The following SCG3 variants were observed in gnomAD, a reference collection of about 807,000 sequenced individuals.
The protein encoded by SCG3 is secretogranin-3.
Under a neutral mutation model 56.2 loss-of-function variants are expected in SCG3, and 38 were observed. That is an observed-to-expected ratio of 0.68 (90% CI 0.52 to 0.89). SCG3 has a LOEUF of 0.89. Among genes scored for constraint, SCG3 ranks in the 40% least tolerant of loss-of-function variants. The pLI is 0.00. For synonymous variants in SCG3, 176 were observed against 184.2 expected (o/e 0.96, Z 0.36); for missense variants, 524 against 540.7 (o/e 0.97, Z 0.31).
chr15:51,711,943 C>T (rs1384511221), intron 10 of SCG3, among the ~76,000 whole-genome samples: 1 of 152,094 alleles, frequency 6.6e-6, no homozygotes. Context: ...CAGAGAGTCA[C>T]TTAGGTAAAT....
chr15:51,681,577 C>T lies in SCG3; in HGVS notation c.-179C>T, dbSNP rs1162843139. The T allele has an allele frequency of 1.7e-6, 1 of 602,414 alleles. No individual in the cohort carries two copies. The highest frequency in any genetic ancestry group is 1.9e-5 in the African/African-American group (1 of 53,868). The allele number at this position is 602,414 out of a possible 1,614,324, so 37.3% of individuals were successfully genotyped here. On this transcript the variant is annotated 5_prime_UTR_variant, in exon 1 of 12. Coordinates refer to ENST00000220478, the MANE Select transcript of SCG3 (RefSeq NM_013243.4). ...GACTTGACTCCCGCGCGCCCCAACC[C>T]TGCTTATCCCTTGACCGTCGAGTGT...
intron 11 of SCG3, among the ~76,000 whole-genome samples, chr15:51,717,514 A>G (rs2055465563): frequency 6.7e-6 from 1 of 148,820 alleles, no homozygotes; most frequent in African/African-American, 2.5e-5. Flanking sequence ...GCCTGGGTAA[A>G]ACAGTGAGAC....
chr15:51,711,624 A>T (rs2055421312), intron 10 of SCG3, among the ~76,000 whole-genome samples: 1 of 152,172 alleles, frequency 6.6e-6, no homozygotes, highest in African/African-American at 2.4e-5. Flanking sequence ...GAAATAGAAA[A>T]CACTGTATTT....
At position 51,681,686 on chromosome 15, in the gene SCG3, T is replaced by G; in HGVS notation, c.-70T>G. On this transcript the variant is annotated 5_prime_UTR_variant, in exon 1 of 12. Transcript: ENST00000220478. ...GCTCTTCCTGTTTTTACTCCTCCTT[T>G]TCATTCATAACAAAAGCTACAGCTC... 1 of 1,101,662 alleles carries G rather than the reference T, an allele frequency of 9.1e-7. No individual in the cohort carries two copies. The highest frequency in any genetic ancestry group is 1.4e-6 in the Non-Finnish European group (1 of 722,530). The allele number at this position is 1,101,662 out of a possible 1,614,324, so 68.2% of individuals were successfully genotyped here.
chr15:51,694,427 G>GA (rs939991779), intron 7 of SCG3, among the ~76,000 whole-genome samples: 3 of 152,026 alleles, frequency 2.0e-5, no homozygotes, highest in Admixed American at 1.3e-4. Flanking sequence ...CAGGCAAGTG[G>GA]AAAAAAAGAA....
intron 4 of SCG3, among the ~76,000 whole-genome samples, chr15:51,685,866 C>A (rs1004541058): frequency 6.6e-6 from 1 of 152,096 alleles, no homozygotes; most frequent in Non-Finnish European, 1.5e-5. Flanking sequence ...TGTATGCATT[C>A]GAATATTTAT....
At chr15:51,716,141 G>A (rs1047044354) in intron 11 of SCG3, among the ~76,000 whole-genome samples, 1 of 152,200 alleles carries the variant, frequency 6.6e-6, no homozygotes, top group African/African-American at 2.4e-5. Flanking sequence ...ACAGGTGTGA[G>A]CCACCGCGCC....
chr15:51,704,794 T>TATATATATATATATATATATAC (rs1461091125), intron 10 of SCG3, among the ~76,000 whole-genome samples: 1 of 140,430 alleles, frequency 7.1e-6, no homozygotes, highest in Non-Finnish European at 1.6e-5. Flanking sequence ...TATATATATA[T>TATATATATATATATATATATAC]ACATCTCTCT....
intron 11 of SCG3, among the ~76,000 whole-genome samples, chr15:51,716,292 C>G (rs2055455371): frequency 6.6e-6 from 1 of 152,194 alleles, no homozygotes; most frequent in South Asian, 2.1e-4. Flanking sequence ...CAAGAAGTGC[C>G]CTTTGTGCCT....
intron 4 of SCG3, among the ~76,000 whole-genome samples, chr15:51,684,803 A>C (rs976342796): frequency 4.6e-5 from 7 of 152,242 alleles, no homozygotes; most frequent in Non-Finnish European, 1.0e-4. Context: ...CTTCATAAGA[A>C]TAGAGACATT....
intron 10 of SCG3, among the ~76,000 whole-genome samples, chr15:51,701,696 G>C (rs972322274): frequency 2.0e-5 from 3 of 152,138 alleles, no homozygotes; most frequent in Non-Finnish European, 4.4e-5. Flanking sequence ...TGCTTGAGCT[G>C]AGGGTTTGAG....
At position 51,681,713 on chromosome 15, in the gene SCG3, A is replaced by G. The variant is rs753408385; in HGVS notation, c.-43A>G. Reference sequence around the variant, plus strand: ...CATTCATAACAAAAGCTACAGCTCCAGGAGCCCAGCGCCGGGCTGTGACCC... The same window carrying G: ...CATTCATAACAAAAGCTACAGCTCCGGGAGCCCAGCGCCGGGCTGTGACCC... On this transcript the variant is annotated 5_prime_UTR_variant, in exon 1 of 12. Coordinates refer to ENST00000220478, the MANE Select transcript of SCG3 (RefSeq NM_013243.4). 2 of 1,396,254 alleles carry G rather than the reference A, an allele frequency of 1.4e-6. No homozygotes were observed. Among genetic ancestry groups the G allele is most frequent in the East Asian group, 2.7e-5 (1 of 36,688 alleles). 86.5% of individuals were successfully genotyped at this position (1,396,254 alleles called of 1,614,324 possible).
At chr15:51,683,194 G>C (rs745321077) in intron 3 of SCG3, 25 bp from the exon 4 acceptor site, 1 of 1,608,192 alleles carries the variant, frequency 6.2e-7, no homozygotes, top group African/African-American at 1.3e-5. Flanking sequence ...AAATGGCTGT[G>C]TTGGGTTTGG....
intron 10 of SCG3, among the ~76,000 whole-genome samples, chr15:51,712,218 T>C (rs1179005402): frequency 6.6e-6 from 1 of 152,188 alleles, no homozygotes; most frequent in African/African-American, 2.4e-5. Context: ...ACAGTACAGG[T>C]AGCTCAACCA....
At chr15:51,698,524 T>C (rs1317100246) in intron 8 of SCG3, among the ~76,000 whole-genome samples, 1 of 152,198 alleles carries the variant, frequency 6.6e-6, no homozygotes, top group East Asian at 1.9e-4. Context: ...TATGAATTAG[T>C]GAAAGCCCTG....
At chr15:51,716,229 T>C (rs976006252) in intron 11 of SCG3, among the ~76,000 whole-genome samples, 2 of 152,160 alleles carry the variant, frequency 1.3e-5, no homozygotes, top group Non-Finnish European at 2.9e-5. Context: ...CCATTAAAGA[T>C]GTTGACACTG....
chr15:51,719,615 G>T lies in SCG3; in HGVS notation c.*89G>T, dbSNP rs2055483099. 6 of 926,520 alleles carry T rather than the reference G, an allele frequency of 6.5e-6. No homozygotes were observed. The East Asian group carries it at 1.0e-4, about 16-fold the overall frequency. The allele number at this position is 926,520 out of a possible 1,614,324, so 57.4% of individuals were successfully genotyped here. ...TCTAATTCTGTGATTAAAATTTTTTGACCCAAGGGTTATTAGAAAGTGCTG... is the reference window on the plus strand; with the variant it reads ...TCTAATTCTGTGATTAAAATTTTTTTACCCAAGGGTTATTAGAAAGTGCTG... On this transcript the variant is annotated 3_prime_UTR_variant, in exon 12 of 12. Transcript: ENST00000220478.
intron 7 of SCG3, 103 bp from the exon 8 acceptor site, chr15:51,695,772 A>C (rs2055299018): frequency 1.4e-6 from 1 of 730,006 alleles, no homozygotes; most frequent in Admixed American, 2.4e-5. Flanking sequence ...GAAAAAAAAA[A>C]AAAACCCAAA....
At position 51,688,293 on chromosome 15, in the gene SCG3, C is replaced by T. The variant is rs184905158; in HGVS notation, c.431C>T (p.Thr144Ile). ...DPDGLHQLDG[T>I]PLTAEDIVHK... is the part of the protein sequence containing the mutation. ...GATGGTCTTCATCAACTAGACGGGA[C>T]TCCTTTAACCGCTGAAGACATTGTC... is the stretch of plus-strand genomic sequence containing the variant. Residue 144 changes from threonine (T) to isoleucine (I), a missense_variant, in exon 5 of 12, where the codon ACT becomes ATT. Transcript: ENST00000220478. The T allele has an allele frequency of 1.5e-5, 24 of 1,613,750 alleles. No individual in the cohort carries two copies. In the East Asian group the frequency reaches 5.1e-4, roughly 34 times the overall value.
Sources: allele counts gnomAD v4.1 joint callset (sites outside exome capture counted in the v4.1 genomes callset), GRCh38; gene constraint gnomAD v4.1.1; transcripts MANE v1.5; gene names NCBI Gene and HGNC (gene_info 2026-07-23, HGNC 2026-07-21).